Variants in CHST3 observed in about 807,000 individuals in gnomAD.
The protein encoded by CHST3 is carbohydrate sulfotransferase 3, also known as C6ST-1.
CHST3 carries 20 observed loss-of-function variants against 35.4 expected under a neutral mutation model. The observed-to-expected ratio is 0.57, with a 90% CI of 0.40 to 0.82. CHST3 has a LOEUF of 0.82. Ranked by LOEUF, CHST3 falls within the 40% of genes least tolerant of loss-of-function variation. The probability of loss-of-function intolerance (pLI) is 0.00; values close to 1 mark genes in which losing one functional copy is unlikely to be tolerated. For synonymous variants in CHST3, 334 were observed against 295.9 expected, an observed-to-expected ratio of 1.13 and a Z score of -1.32; for missense variants, 693 against 670.1, an observed-to-expected ratio of 1.03 and a Z score of -0.38.
In CHST3 at chr10:72,012,117, A is replaced by C. The variant is rs1469741835; in HGVS notation, c.*3646A>C. On this transcript the variant is annotated 3_prime_UTR_variant, in exon 3 of 3. Transcript: ENST00000373115. ...GGTCTGCTAGCACCCTCAGCCTGGG[A>C]GCTACTGCCAGAGGCTGGCGTAGTG... The C allele has an allele frequency of 6.6e-6, 1 of 152,192 alleles. No homozygotes were observed. The highest frequency in any genetic ancestry group is 1.5e-5 in the Non-Finnish European group (1 of 68,024). 9.4% of individuals were successfully genotyped at this position (152,192 alleles called of 1,614,324 possible). A position where few individuals can be genotyped will look rare whatever the true frequency, so the allele number is the denominator to read the frequency against.
At chr10:71,978,872 T>C (rs1469131547) in intron 1 of CHST3, among the ~76,000 whole-genome samples, 1 of 152,184 alleles carries the variant, frequency 6.6e-6, no homozygotes, top group Non-Finnish European at 1.5e-5. Context: ...CAGGAGTGTT[T>C]GAGGCACAGA....
intron 1 of CHST3, among the ~76,000 whole-genome samples, chr10:71,980,811 C>T (rs564033424): frequency 1.3e-5 from 2 of 152,310 alleles, no homozygotes; most frequent in East Asian, 3.9e-4. Flanking sequence ...AACATCCGAA[C>T]GGTGGATCTC....
chr10:72,005,886 T>C lies in CHST3; in HGVS notation c.44T>C (p.Val15Ala). The change falls in exon 2 of 3, where the codon GTG (valine) becomes GCG (alanine). Residue 15 changes from valine (V) to alanine (A), a missense_variant. Coordinates refer to ENST00000373115, the MANE Select transcript of CHST3 (RefSeq NM_004273.5). Reference protein sequence around the residue: ...LTLPQDCRDFVHSLKMRSKYA... With the variant: ...LTLPQDCRDFAHSLKMRSKYA... The stretch of plus-strand genomic sequence containing the variant: ...TTGCCCCAGGACTGCCGGGACTTTG[T>C]GCACAGCCTGAAGATGAGAAGCAAA... 1 of 1,614,278 alleles carries C rather than the reference T, an allele frequency of 6.2e-7. No individual in the cohort carries two copies. Among genetic ancestry groups the C allele is most frequent in the Non-Finnish European group, 8.5e-7 (1 of 1,180,048 alleles).
intron 1 of CHST3, among the ~76,000 whole-genome samples, chr10:71,971,850 G>A (rs551747036): frequency 1.1e-4 from 17 of 152,260 alleles, no homozygotes; most frequent in African/African-American, 3.4e-4. Flanking sequence ...AAGAGGCCCC[G>A]AGAATAGAAA....
chr10:71,982,450 C>T (rs541990963), intron 1 of CHST3, among the ~76,000 whole-genome samples: 3 of 152,242 alleles, frequency 2.0e-5, no homozygotes, highest in South Asian at 2.1e-4. Flanking sequence ...CAGAACTGTA[C>T]GATAATCAGT....
At chr10:71,984,014 C>T (rs1274213165) in intron 1 of CHST3, among the ~76,000 whole-genome samples, 3 of 152,102 alleles carry the variant, frequency 2.0e-5, no homozygotes, top group East Asian at 1.9e-4. Context: ...AATTCTGTAA[C>T]GGGCCTTTTG....
At chr10:72,004,693 C>T (rs1444375057) in intron 1 of CHST3, among the ~76,000 whole-genome samples, 2 of 152,088 alleles carry the variant, frequency 1.3e-5, no homozygotes, top group Non-Finnish European at 2.9e-5. Flanking sequence ...ATTTGTATCC[C>T]GCATCTATAT....
chr10:71,984,363 G>A (rs796553998), intron 1 of CHST3, among the ~76,000 whole-genome samples: 6 of 152,356 alleles, frequency 3.9e-5, no homozygotes, highest in African/African-American at 1.2e-4. Flanking sequence ...GCCCCACGCT[G>A]TGGAGCGCAC....
chr10:71,978,156 G>A (rs963688583), intron 1 of CHST3, among the ~76,000 whole-genome samples: 2 of 152,128 alleles, frequency 1.3e-5, no homozygotes, highest in Non-Finnish European at 2.9e-5. Flanking sequence ...CAAGGTGGGT[G>A]GATCACTTGA....
chr10:72,012,537 C>T lies in CHST3; in HGVS notation c.*4066C>T, dbSNP rs1840122320. Reference sequence around the variant, plus strand: ...GCAGAAGACTGGATGGCTGTGTCCTCAAGGCAGTCCCCTCCCATCCCCATT... The same window carrying T: ...GCAGAAGACTGGATGGCTGTGTCCTTAAGGCAGTCCCCTCCCATCCCCATT... On this transcript the variant is annotated 3_prime_UTR_variant, in exon 3 of 3. Coordinates refer to ENST00000373115, the MANE Select transcript of CHST3 (RefSeq NM_004273.5). The T allele has an allele frequency of 6.6e-6, 1 of 152,386 alleles. No homozygotes were observed. Among genetic ancestry groups the T allele is most frequent in the African/African-American group, 2.4e-5 (1 of 41,446 alleles). 9.4% of individuals were successfully genotyped at this position (152,386 alleles called of 1,614,324 possible). A position where few individuals can be genotyped will look rare whatever the true frequency, so the allele number is the denominator to read the frequency against.
intron 1 of CHST3, among the ~76,000 whole-genome samples, chr10:71,986,780 T>TG (rs763609560): frequency 1.3e-5 from 2 of 152,234 alleles, no homozygotes; most frequent in Non-Finnish European, 2.9e-5. Flanking sequence ...CAGCCCAGCA[T>TG]GGGGAGAGAT....
chr10:71,969,813 A>G (rs1839671795), intron 1 of CHST3, among the ~76,000 whole-genome samples: 1 of 152,132 alleles, frequency 6.6e-6, no homozygotes, highest in South Asian at 2.1e-4. Context: ...AAGCCCCAGG[A>G]GGGGCCGTGA....
intron 1 of CHST3, among the ~76,000 whole-genome samples, chr10:71,983,059 T>C (rs1839815972): frequency 6.6e-6 from 1 of 152,182 alleles, no homozygotes; most frequent in Non-Finnish European, 1.5e-5. Context: ...TGAGGCTTGT[T>C]TGGCCAGGGG....
intron 1 of CHST3, among the ~76,000 whole-genome samples, chr10:71,984,401 C>G (rs1341944978): frequency 1.3e-5 from 2 of 152,316 alleles, no homozygotes; most frequent in East Asian, 3.9e-4. Flanking sequence ...TCATCCCTTC[C>G]TTGCTTTGTG....
intron 1 of CHST3, among the ~76,000 whole-genome samples, chr10:71,971,378 T>C (rs1589496264): frequency 1.3e-5 from 2 of 152,234 alleles, no homozygotes; most frequent in Non-Finnish European, 2.9e-5. Flanking sequence ...TTCTGGTTCA[T>C]AAGACGGCTT....
chr10:71,991,609 A>G (rs1040795814), intron 1 of CHST3, among the ~76,000 whole-genome samples: 2 of 152,036 alleles, frequency 1.3e-5, no homozygotes, highest in South Asian at 2.1e-4. Context: ...AAATCACACA[A>G]ATTTTTTTGT....
At chr10:71,983,166 T>C (rs1209074468) in intron 1 of CHST3, among the ~76,000 whole-genome samples, 1 of 152,240 alleles carries the variant, frequency 6.6e-6, no homozygotes, top group African/African-American at 2.4e-5. Context: ...TTTGGAGGAA[T>C]GGAGCCCACA....
rs1323649435 is a variant in CHST3 at position 72,009,024 on chromosome 10, C to T, written c.*553C>T. 6.5e-6 allele frequency: 1 copy of T among 153,062 alleles called. No individual in the cohort carries two copies. Among genetic ancestry groups the T allele is most frequent in the East Asian group, 1.9e-4 (1 of 5,198 alleles). 9.5% of individuals were successfully genotyped at this position (153,062 alleles called of 1,614,324 possible). A position where few individuals can be genotyped will look rare whatever the true frequency, so the allele number is the denominator to read the frequency against. On this transcript the variant is annotated 3_prime_UTR_variant, in exon 3 of 3. Transcript: ENST00000373115. The stretch of plus-strand genomic sequence containing the variant: ...CTAGTACAGAGCGATTCAGCGTTTT[C>T]ATGAATGGGTTGGCTGTGCTGGTTA...
intron 1 of CHST3, among the ~76,000 whole-genome samples, chr10:71,990,065 G>T (rs1839883505): frequency 6.6e-6 from 1 of 152,158 alleles, no homozygotes; most frequent in African/African-American, 2.4e-5. Flanking sequence ...ATTTATTGTT[G>T]TATATGTCCT....
Sources: gnomAD v4.1 joint callset for allele counts (sites outside exome capture counted in the v4.1 genomes callset) on GRCh38, gnomAD v4.1.1 for gene constraint, MANE v1.5 for transcripts, NCBI Gene and HGNC (gene_info 2026-07-23, HGNC 2026-07-21) for gene names.